Variants in INPP4B observed in about 807,000 individuals in gnomAD.
INPP4B encodes inositol polyphosphate-4-phosphatase type II B, also known as inositol polyphosphate 4-phosphatase type II.
Under a neutral mutation model 122.5 loss-of-function variants are expected in INPP4B, and 55 were observed. The observed-to-expected ratio is 0.45, with a 90% confidence interval of 0.36 to 0.56. The LOEUF (loss-of-function observed/expected upper bound fraction) is 0.56, where lower values mean the gene tolerates loss of function less well. INPP4B is among the 20% of genes least tolerant of loss of function. The probability of loss-of-function intolerance (pLI) is 0.00; values close to 1 mark genes in which losing one functional copy is unlikely to be tolerated. For missense variants in INPP4B, 1,000 were observed against 1,097.7 expected, an observed-to-expected ratio of 0.91 and a Z score of 1.26; for synonymous variants, 403 against 388.7, an observed-to-expected ratio of 1.04 and a Z score of -0.43.
chr4:142,282,494 G>T (rs1188228098), intron 9 of INPP4B, among the ~76,000 whole-genome samples: 1 of 152,106 alleles, frequency 6.6e-6, no homozygotes, highest in African/African-American at 2.4e-5. Context: ...AGAGTCCTCT[G>T]CTCAGGGCCT....
Position 142,237,915 on chromosome 4 carries a change from A to G in INPP4B, c.785T>C (p.Phe262Ser). ...REQMSESILS[F>S]HIPKELISLH... Reference sequence around the variant, plus strand: ...GGAAATCAATTCCTTAGGAATATGAAAGGAAAGAATGCTCTCTGACATCTG... The same window carrying G: ...GGAAATCAATTCCTTAGGAATATGAGAGGAAAGAATGCTCTCTGACATCTG... The change falls in exon 12 of 26, where the codon TTT becomes TCT. Residue 262 changes from phenylalanine to serine, a missense_variant. Physicochemically the swap from Phe to Ser is radical, Grantham distance 155. Coordinates refer to ENST00000262992, the MANE Select transcript of INPP4B (RefSeq NM_001101669.3). The G allele has an allele frequency of 3.2e-6, 5 of 1,583,188 alleles. No individual in the cohort carries two copies. Among genetic ancestry groups the G allele is most frequent in the Non-Finnish European group, 1.7e-6 (2 of 1,155,374 alleles).
At chr4:142,220,828 A>G (rs1226807730) in intron 12 of INPP4B, among the ~76,000 whole-genome samples, 4 of 151,816 alleles carry the variant, frequency 2.6e-5, no homozygotes, top group Non-Finnish European at 4.4e-5. Flanking sequence ...CTATATTCAC[A>G]CTATGTCTTT....
intron 25 of INPP4B, among the ~76,000 whole-genome samples, chr4:142,056,494 A>G (rs1757780023): frequency 6.6e-6 from 1 of 152,106 alleles, no homozygotes; most frequent in African/African-American, 2.4e-5. Flanking sequence ...CAGAGGCTAT[A>G]TAAATATAAC....
chr4:142,153,552 A>C (rs1815532618), intron 17 of INPP4B, among the ~76,000 whole-genome samples: 1 of 152,188 alleles, frequency 6.6e-6, no homozygotes, highest in South Asian at 2.1e-4. Context: ...ATGTCTAGAA[A>C]ATATCCAAGG....
intron 8 of INPP4B, among the ~76,000 whole-genome samples, chr4:142,306,194 T>C (rs541120498): frequency 1.3e-5 from 2 of 151,978 alleles, no homozygotes; most frequent in South Asian, 4.2e-4. Flanking sequence ...CTTTCTACTC[T>C]TTTTGACTCA....
intron 17 of INPP4B, among the ~76,000 whole-genome samples, chr4:142,158,388 A>C (rs1437713958): frequency 2.0e-5 from 3 of 152,102 alleles, no homozygotes; most frequent in African/African-American, 7.2e-5. Context: ...ACTGAGGGCC[A>C]ACGTTGTTCA....
chr4:142,582,109 G>A (rs1323960702), intron 2 of INPP4B, among the ~76,000 whole-genome samples: 3 of 151,222 alleles, frequency 2.0e-5, no homozygotes, highest in Non-Finnish European at 4.4e-5. Flanking sequence ...CTGCCAATTT[G>A]TTCTTACTGT....
At chr4:142,665,069 G>A (rs528867360) in intron 2 of INPP4B, among the ~76,000 whole-genome samples, 54 of 152,232 alleles carry the variant, frequency 3.5e-4, no homozygotes, top group Admixed American at 5.2e-4. Context: ...CATGGAAAAC[G>A]TACAGTTAAA....
At chr4:142,159,092 T>G (rs1818725374) in intron 17 of INPP4B, among the ~76,000 whole-genome samples, 1 of 151,950 alleles carries the variant, frequency 6.6e-6, no homozygotes, top group Non-Finnish European at 1.5e-5. Context: ...AATACTAAAG[T>G]AATATAATGC....
intron 7 of INPP4B, among the ~76,000 whole-genome samples, chr4:142,326,987 T>C (rs1772622226): frequency 6.6e-6 from 1 of 152,222 alleles, no homozygotes; most frequent in African/African-American, 2.4e-5. Flanking sequence ...TCCATGGCTG[T>C]GTGCCTCTTC....
At chr4:142,820,317 T>C (rs984510502) in intron 1 of INPP4B, among the ~76,000 whole-genome samples, 1 of 152,082 alleles carries the variant, frequency 6.6e-6, no homozygotes, top group African/African-American at 2.4e-5. Flanking sequence ...GCTCTATTAA[T>C]TCCCACAAGA....
At chr4:142,615,763 A>G (rs7376422) in intron 2 of INPP4B, among the ~76,000 whole-genome samples, 130,401 of 152,140 alleles carry the variant, frequency 0.86, 55,917 homozygotes, top group African/African-American at 0.89. Context: ...TGGCCAAGAA[A>G]GTGTGTCTTC....
intron 2 of INPP4B, among the ~76,000 whole-genome samples, chr4:142,516,272 T>C (rs944089940): frequency 2.0e-5 from 3 of 152,192 alleles, no homozygotes; most frequent in Non-Finnish European, 4.4e-5. Flanking sequence ...ATAGTCACTA[T>C]GAACAGAAAT....
chr4:142,629,614 TATTTCTAGTCAATAAAACAATATAG>T (rs1747464153), intron 2 of INPP4B, among the ~76,000 whole-genome samples: 1 of 151,974 alleles, frequency 6.6e-6, no homozygotes, highest in Non-Finnish European at 1.5e-5. Flanking sequence ...CAACAGAACA[TATTTCTAGTCAATAAAACAATATAG>T]AGCCATGAAA....
At chr4:142,744,410 A>G (rs1319747972) in intron 1 of INPP4B, among the ~76,000 whole-genome samples, 2 of 151,924 alleles carry the variant, frequency 1.3e-5, no homozygotes, top group Non-Finnish European at 2.9e-5. Context: ...AAATATGCCA[A>G]ATTTGATGGG....
intron 18 of INPP4B, among the ~76,000 whole-genome samples, 194 bp downstream of exon 18, chr4:142,145,646 C>T (rs192765016): frequency 2.2e-4 from 33 of 152,104 alleles, no homozygotes; most frequent in African/African-American, 6.0e-4. Flanking sequence ...ACATTGCTAG[C>T]AGTTCCGAAA....
intron 7 of INPP4B, chr4:142,384,231 A>G (rs1009730523): frequency 1.8e-4 from 115 of 656,502 alleles, no homozygotes; most frequent in Admixed American, 3.8e-4. Context: ...AAAAACAGGT[A>G]TTAACTCAAT....
chr4:142,508,810 A>T (rs1039187776), intron 2 of INPP4B, among the ~76,000 whole-genome samples: 4 of 152,184 alleles, frequency 2.6e-5, no homozygotes, highest in African/African-American at 9.7e-5. Context: ...CTCCCAAAAA[A>T]AGGAGGAAGT....
chr4:142,077,062 T>C (rs1200187216), intron 25 of INPP4B, among the ~76,000 whole-genome samples: 1 of 152,044 alleles, frequency 6.6e-6, no homozygotes, highest in Non-Finnish European at 1.5e-5. Context: ...ACTTCATAAA[T>C]TATGCTCCCC....
Sources: gnomAD v4.1 joint callset for allele counts (sites outside exome capture counted in the v4.1 genomes callset) on GRCh38, gnomAD v4.1.1 for gene constraint, MANE v1.5 for transcripts, NCBI Gene and HGNC (gene_info 2026-07-23, HGNC 2026-07-21) for gene names.